The following KCNMB2 variants were observed in gnomAD, a reference collection of about 807,000 sequenced individuals.
KCNMB2 encodes potassium calcium-activated channel subfamily M regulatory beta subunit 2.
KCNMB2 carries 9 observed loss-of-function variants against 24.5 expected under a neutral mutation model. That is an observed-to-expected ratio of 0.37 (90% confidence interval 0.22 to 0.64). The LOEUF (loss-of-function observed/expected upper bound fraction) is 0.64, where lower values mean the gene tolerates loss of function less well. Ranked by LOEUF, KCNMB2 falls within the 30% of genes least tolerant of loss-of-function variation. The probability of loss-of-function intolerance (pLI) is 0.63; values close to 1 mark genes in which losing one functional copy is unlikely to be tolerated. For synonymous variants in KCNMB2, 109 were observed against 104.4 expected (o/e 1.04, Z -0.27); for missense variants, 226 against 284.3 (o/e 0.79, Z 1.47).
At chr3:178,830,137 C>G (rs1714998672) in intron 4 of KCNMB2, among the ~76,000 whole-genome samples, 1 of 152,134 alleles carries the variant, frequency 6.6e-6, no homozygotes, top group Non-Finnish European at 1.5e-5. Flanking sequence ...CTTTTATCAC[C>G]TAAGGATATA....
intron 1 of KCNMB2, among the ~76,000 whole-genome samples, chr3:178,749,914 A>C (rs376974653): frequency 1.3e-5 from 2 of 152,194 alleles, no homozygotes; most frequent in East Asian, 3.8e-4. Context: ...TTCTGCTCTT[A>C]ATTTGGTTAT....
chr3:178,714,081 T>C (rs1054493646), intron 1 of KCNMB2, among the ~76,000 whole-genome samples: 4 of 152,118 alleles, frequency 2.6e-5, no homozygotes, highest in Non-Finnish European at 5.9e-5. Flanking sequence ...GAAAACTTGG[T>C]ATTAATTTTT....
intron 1 of KCNMB2, among the ~76,000 whole-genome samples, chr3:178,558,401 G>A (rs1259944096): frequency 6.6e-6 from 1 of 152,208 alleles, no homozygotes; most frequent in Non-Finnish European, 1.5e-5. Flanking sequence ...CCTCTGCATG[G>A]CTACAATACA....
chr3:178,840,905 G>A (rs969162208), intron 4 of KCNMB2, among the ~76,000 whole-genome samples: 1 of 152,212 alleles, frequency 6.6e-6, no homozygotes, highest in Admixed American at 6.5e-5. Context: ...AATTTCTGCA[G>A]GAAGCTTGAA....
intron 1 of KCNMB2, among the ~76,000 whole-genome samples, chr3:178,706,473 A>C (rs1722281395): frequency 6.6e-6 from 1 of 152,142 alleles, no homozygotes; most frequent in South Asian, 2.1e-4. Context: ...GGTCCACGCT[A>C]TTTCCCAATG....
rs183825756 is a variant in KCNMB2 at position 178,545,673 on chromosome 3, A to G, written c.-68+8962A>G. On this transcript the variant is annotated intron_variant, in intron 1 of 4. Transcript: ENST00000452583. ...TAAACATCTGAAAATTTTAGACTATATGAAGAATGTATAGTCCCATCAAAT... is the reference window on the plus strand; with the variant it reads ...TAAACATCTGAAAATTTTAGACTATGTGAAGAATGTATAGTCCCATCAAAT... 8.3e-4 allele frequency among the ~76,000 whole-genome samples: 126 copies of G among 152,354 alleles called. 1 individual carries two copies. The highest frequency in any genetic ancestry group is 2.9e-3 in the African/African-American group (119 of 41,586).
chr3:178,762,379 C>G (rs1341117281), intron 1 of KCNMB2, among the ~76,000 whole-genome samples: 6 of 152,124 alleles, frequency 3.9e-5, no homozygotes, highest in African/African-American at 1.4e-4. Context: ...CCTGAGAAGA[C>G]GTGGCATGTC....
At chr3:178,743,909 G>A (rs1252147345) in intron 1 of KCNMB2, among the ~76,000 whole-genome samples, 1 of 152,214 alleles carries the variant, frequency 6.6e-6, no homozygotes, top group Non-Finnish European at 1.5e-5. Flanking sequence ...ATTGTTTGAA[G>A]AGAATGTAAC....
intron 1 of KCNMB2, among the ~76,000 whole-genome samples, chr3:178,757,375 C>A (rs1313954149): frequency 7.6e-5 from 2 of 26,230 alleles, no homozygotes; most frequent in Non-Finnish European, 1.4e-4. Flanking sequence ...TATATATATC[C>A]AAGAGGATAT....
intron 1 of KCNMB2, among the ~76,000 whole-genome samples, chr3:178,789,529 T>C (rs932983255): frequency 2.0e-5 from 3 of 152,182 alleles, no homozygotes; most frequent in East Asian, 1.9e-4. Flanking sequence ...CAGTCTTGAA[T>C]TGCCCACACT....
At chr3:178,570,149 T>C (rs764574711) in intron 1 of KCNMB2, among the ~76,000 whole-genome samples, 3 of 152,206 alleles carry the variant, frequency 2.0e-5, no homozygotes, top group Non-Finnish European at 2.9e-5. Context: ...TTGTTTTCAA[T>C]ATTCCCCAAT....
chr3:178,767,564 G>C (rs1712173595), intron 1 of KCNMB2, among the ~76,000 whole-genome samples: 1 of 152,206 alleles, frequency 6.6e-6, no homozygotes, highest in Non-Finnish European at 1.5e-5. Context: ...GCAAGATGTT[G>C]TTGCAAAAAG....
chr3:178,626,104 T>C (rs1216967147), intron 1 of KCNMB2, among the ~76,000 whole-genome samples: 1 of 152,142 alleles, frequency 6.6e-6, no homozygotes, highest in Non-Finnish European at 1.5e-5. Flanking sequence ...CTGAGGAAAA[T>C]GGAAAATGAT....
intron 1 of KCNMB2, among the ~76,000 whole-genome samples, chr3:178,771,337 T>C (rs1490054750): frequency 1.3e-5 from 2 of 152,088 alleles, no homozygotes; most frequent in African/African-American, 4.8e-5. Flanking sequence ...AAAAGTGACG[T>C]TGATCATGTC....
intron 1 of KCNMB2, among the ~76,000 whole-genome samples, chr3:178,705,593 A>G (rs1422573860): frequency 6.6e-6 from 1 of 152,196 alleles, no homozygotes; most frequent in Non-Finnish European, 1.5e-5. Flanking sequence ...GCTTAAAAAT[A>G]AGTTCCAGAT....
At chr3:178,718,643 T>C (rs1279676454) in intron 1 of KCNMB2, among the ~76,000 whole-genome samples, 3 of 152,198 alleles carry the variant, frequency 2.0e-5, no homozygotes, top group Admixed American at 6.5e-5. Flanking sequence ...TAAATTGGAA[T>C]ACACTGGGAG....
Position 178,776,742 on chromosome 3 carries a change from A to G in KCNMB2, c.-67-30601A>G, listed in dbSNP as rs375015565. ...CAGAATACATAAATAAAAGGAGGTG[A>G]TAGTTTTGCCATCCTCAGAAGTAAT... On this transcript the variant is annotated intron_variant, in intron 1 of 4. Coordinates refer to ENST00000452583, the MANE Select transcript of KCNMB2 (RefSeq NM_181361.3). 3.5e-4 allele frequency among the ~76,000 whole-genome samples: 54 copies of G among 152,260 alleles called. 1 individual carries two copies. The South Asian group carries it at 0.011, about 31-fold the overall frequency.
chr3:178,709,290 T>C (rs551420065), intron 1 of KCNMB2, among the ~76,000 whole-genome samples: 1 of 152,300 alleles, frequency 6.6e-6, no homozygotes, highest in South Asian at 2.1e-4. Context: ...ACTGGATATT[T>C]TCAAATGTTT....
At chr3:178,669,238 T>G (rs1720819483) in intron 1 of KCNMB2, among the ~76,000 whole-genome samples, 1 of 152,154 alleles carries the variant, frequency 6.6e-6, no homozygotes, top group Non-Finnish European at 1.5e-5. Flanking sequence ...AGGCTGCTTC[T>G]TAATTTATTA....
Sources: allele counts gnomAD v4.1 joint callset (sites outside exome capture counted in the v4.1 genomes callset), GRCh38; gene constraint gnomAD v4.1.1; transcripts MANE v1.5; gene names NCBI Gene and HGNC (gene_info 2026-07-23, HGNC 2026-07-21).